The following RBFOX1 variants were observed in gnomAD, a reference collection of about 807,000 sequenced individuals.
RBFOX1 encodes the protein RNA binding protein fox-1 homolog 1.
A neutral mutation model predicts 57.7 loss-of-function variants in RBFOX1; 8 were observed. That is an observed-to-expected ratio of 0.14 (90% CI 0.08 to 0.25). The LOEUF is 0.25. Among genes scored for constraint, RBFOX1 ranks in the 10% least tolerant of loss-of-function variants. The pLI, the probability that RBFOX1 is intolerant of heterozygous loss-of-function variation, is 1.00. For missense variants in RBFOX1, 611 were observed against 548.5 expected (o/e 1.11, Z -1.14); for synonymous variants, 326 against 222.4 (o/e 1.47, Z -4.15).
At chr16:7,097,999 G>A (rs557863293) in intron 4 of RBFOX1, among the ~76,000 whole-genome samples, 2 of 152,080 alleles carry the variant, frequency 1.3e-5, no homozygotes, top group African/African-American at 4.8e-5. Flanking sequence ...AAGAATCTTC[G>A]AGGGCATTTG....
intron 1 of RBFOX1, among the ~76,000 whole-genome samples, chr16:5,396,057 C>G (rs1282780386): frequency 6.6e-6 from 1 of 152,192 alleles, no homozygotes; most frequent in Admixed American, 6.5e-5. Context: ...CATGCCTAGA[C>G]CTGTGACCTG....
chr16:6,646,066 G>A (rs2098531969), intron 2 of RBFOX1, among the ~76,000 whole-genome samples: 1 of 147,412 alleles, frequency 6.8e-6, no homozygotes, highest in South Asian at 2.3e-4. Context: ...ATTGCTTGGT[G>A]ATGAGTCCAC....
intron 4 of RBFOX1, among the ~76,000 whole-genome samples, chr16:7,381,765 A>G (rs957189016): frequency 3.9e-5 from 6 of 152,108 alleles, no homozygotes; most frequent in African/African-American, 1.4e-4. Context: ...TGGATACTGA[A>G]TTTACTGTTT....
intron 3 of RBFOX1, among the ~76,000 whole-genome samples, chr16:5,750,727 G>C (rs1330622404): frequency 6.6e-6 from 1 of 152,178 alleles, no homozygotes; most frequent in Non-Finnish European, 1.5e-5. Context: ...TGCAGTATTA[G>C]GGTGGGAGTG....
chr16:7,048,956 G>A (rs1409478334), intron 3 of RBFOX1, among the ~76,000 whole-genome samples: 1 of 152,056 alleles, frequency 6.6e-6, no homozygotes, highest in African/African-American at 2.4e-5. Context: ...GTTCTGTTGG[G>A]TGTCTCCCAT....
intron 4 of RBFOX1, among the ~76,000 whole-genome samples, chr16:7,196,909 A>T (rs552263093): frequency 2.0e-5 from 3 of 152,332 alleles, no homozygotes; most frequent in African/African-American, 7.2e-5. Context: ...AAATATAATT[A>T]GAGTGGTGTG....
At chr16:5,346,850 T>G (rs1429128284) in intron 1 of RBFOX1, among the ~76,000 whole-genome samples, 1 of 150,918 alleles carries the variant, frequency 6.6e-6, no homozygotes, top group Non-Finnish European at 1.5e-5. Context: ...GTGAGGATGA[T>G]AACAGCACCT....
At chr16:6,588,442 C>CA (rs1202008071) in intron 2 of RBFOX1, among the ~76,000 whole-genome samples, 1 of 152,094 alleles carries the variant, frequency 6.6e-6, no homozygotes, top group East Asian at 1.9e-4. Context: ...CGTCTGAGGT[C>CA]AGGAGTTCGG....
chr16:6,956,820 G>A (rs1388800488), intron 3 of RBFOX1, among the ~76,000 whole-genome samples: 1 of 152,146 alleles, frequency 6.6e-6, no homozygotes, highest in African/African-American at 2.4e-5. Context: ...GAGCAGCTGG[G>A]GCTGGAGCTA....
intron 3 of RBFOX1, among the ~76,000 whole-genome samples, chr16:6,818,789 C>G (rs376738705): frequency 3.5e-4 from 54 of 152,286 alleles, no homozygotes; most frequent in African/African-American, 1.2e-3. Flanking sequence ...GCCACTGATG[C>G]CATTTCATCC....
At chr16:5,976,203 G>A (rs778554389) in intron 4 of RBFOX1, among the ~76,000 whole-genome samples, 4 of 151,938 alleles carry the variant, frequency 2.6e-5, no homozygotes, top group Non-Finnish European at 5.9e-5. Flanking sequence ...TTTCTAGCCC[G>A]CCACTTACCC....
At chr16:6,935,935 G>T (rs1461883313) in intron 3 of RBFOX1, among the ~76,000 whole-genome samples, 2 of 152,192 alleles carry the variant, frequency 1.3e-5, no homozygotes, top group South Asian at 2.1e-4. Flanking sequence ...GGACCAATCT[G>T]TGCCGATGTG....
intron 3 of RBFOX1, among the ~76,000 whole-genome samples, chr16:5,781,506 T>C (rs1244336062): frequency 6.6e-6 from 1 of 152,168 alleles, no homozygotes; most frequent in Non-Finnish European, 1.5e-5. Flanking sequence ...TTACAAATGT[T>C]CTCTAGGAAA....
chr16:5,518,952 GA>G (rs1302521817), intron 2 of RBFOX1, among the ~76,000 whole-genome samples: 3 of 152,284 alleles, frequency 2.0e-5, no homozygotes, highest in Admixed American at 2.0e-4. Flanking sequence ...GACCTTTAAA[GA>G]GGTAACTAAG....
At chr16:6,254,503 G>A (rs1185820144) in intron 1 of RBFOX1, among the ~76,000 whole-genome samples, 1 of 152,148 alleles carries the variant, frequency 6.6e-6, no homozygotes, top group Non-Finnish European at 1.5e-5. Context: ...AACCCTTGCT[G>A]AGTTTGAAGC....
intron 2 of RBFOX1, among the ~76,000 whole-genome samples, chr16:6,619,434 TG>T (rs1241881759): frequency 1.3e-5 from 2 of 152,224 alleles, no homozygotes; most frequent in East Asian, 3.9e-4. Context: ...CAAACTCATT[TG>T]TGAAACTACA....
At chr16:6,627,509 A>G (rs1392323170) in intron 2 of RBFOX1, among the ~76,000 whole-genome samples, 1 of 152,218 alleles carries the variant, frequency 6.6e-6, no homozygotes, top group Non-Finnish European at 1.5e-5. Context: ...TGAAACAGTC[A>G]TAACACAGTG....
chr16:6,693,541 ACAT>A lies in RBFOX1; in HGVS notation c.-16+38896_-16+38898del, dbSNP rs369714986. Among the ~76,000 whole-genome samples the A allele has an allele frequency of 2.6e-3, 380 of 146,146 alleles. 3 individuals are homozygous for A. The highest frequency in any genetic ancestry group is 9.3e-3 in the African/African-American group (364 of 39,172). On this transcript the variant is annotated intron_variant, in intron 3 of 15. Transcript: ENST00000550418. ...ACTAACATCACCACCATCATTAGCA[ACAT>A]CATCTTCCTCCACTGCCATCACCAC...
chr16:7,574,603 T>G (rs12596392), intron 5 of RBFOX1, among the ~76,000 whole-genome samples: 1 of 151,984 alleles, frequency 6.6e-6, no homozygotes, highest in East Asian at 1.9e-4. Context: ...GCCAGTCTAG[T>G]CTTTGCATGT....
Sources: allele counts gnomAD v4.1 joint callset (sites outside exome capture counted in the v4.1 genomes callset), GRCh38; gene constraint gnomAD v4.1.1; transcripts MANE v1.5; gene names NCBI Gene and HGNC (gene_info 2026-07-23, HGNC 2026-07-21).